Variants in FOXN3 observed in about 807,000 individuals in gnomAD.
FOXN3 encodes forkhead box N3, also known as forkhead box protein N3.
A neutral mutation model predicts 38.4 loss-of-function variants in FOXN3; 7 were observed. That is an observed-to-expected ratio of 0.18 (90% CI 0.10 to 0.34). The LOEUF (loss-of-function observed/expected upper bound fraction) is 0.34. Among genes scored for constraint, FOXN3 ranks in the 10% least tolerant of loss-of-function variants. The pLI, the probability that FOXN3 is intolerant of heterozygous loss-of-function variation, is 1.00. For synonymous variants in FOXN3, 230 were observed against 242.2 expected, an observed-to-expected ratio of 0.95 and a Z score of 0.47; for missense variants, 456 against 613.4, an observed-to-expected ratio of 0.74 and a Z score of 2.71.
intron 1 of FOXN3, among the ~76,000 whole-genome samples, chr14:89,489,531 T>G (rs1349080128): frequency 6.6e-6 from 1 of 152,226 alleles, no homozygotes; most frequent in Non-Finnish European, 1.5e-5. Flanking sequence ...ATTAAAAAAT[T>G]TTTTTATATT....
chr14:89,508,077 T>C (rs1270284485), intron 1 of FOXN3, among the ~76,000 whole-genome samples: 1 of 152,200 alleles, frequency 6.6e-6, no homozygotes, highest in Non-Finnish European at 1.5e-5. Flanking sequence ...GGGCCGACTA[T>C]ATGATGCCCA....
chr14:89,580,283 G>A (rs1217335508), intron 1 of FOXN3, among the ~76,000 whole-genome samples: 1 of 152,160 alleles, frequency 6.6e-6, no homozygotes, highest in East Asian at 1.9e-4. Flanking sequence ...ATGTTAGGAG[G>A]AATAATTTCC....
chr14:89,200,598 C>G (rs551974245), intron 4 of FOXN3, among the ~76,000 whole-genome samples: 27 of 152,304 alleles, frequency 1.8e-4, no homozygotes, highest in Middle Eastern at 3.4e-3. Context: ...CAGATGCTTT[C>G]GTATTTCTGT....
chr14:89,245,160 G>T (rs921816088), intron 4 of FOXN3, among the ~76,000 whole-genome samples: 7 of 152,122 alleles, frequency 4.6e-5, no homozygotes, highest in Non-Finnish European at 8.8e-5. Flanking sequence ...ATGCAGAAAA[G>T]GAATGCTAAA....
At chr14:89,404,564 G>A (rs1331729001) in intron 2 of FOXN3, among the ~76,000 whole-genome samples, 1 of 149,322 alleles carries the variant, frequency 6.7e-6, no homozygotes, top group Non-Finnish European at 1.5e-5. Flanking sequence ...GCGCTTTCTT[G>A]GGATCACAGG....
At chr14:89,614,647 T>G (rs1038741300) in intron 1 of FOXN3, among the ~76,000 whole-genome samples, 10 of 152,218 alleles carry the variant, frequency 6.6e-5, no homozygotes, top group African/African-American at 2.2e-4. Context: ...TTGCAAACTG[T>G]GTACACAGTG....
At chr14:89,217,119 G>A (rs1425027518) in intron 4 of FOXN3, among the ~76,000 whole-genome samples, 1 of 149,540 alleles carries the variant, frequency 6.7e-6, no homozygotes, top group Non-Finnish European at 1.5e-5. Context: ...TGACAAGGGT[G>A]TGAGATCTCA....
At chr14:89,482,891 C>A (rs1292024416) in intron 1 of FOXN3, among the ~76,000 whole-genome samples, 2 of 137,868 alleles carry the variant, frequency 1.5e-5, no homozygotes, top group East Asian at 2.1e-4. Flanking sequence ...GCTGGGGCAA[C>A]AGAGCAAGAC....
At chr14:89,508,379 ATCT>A (rs1454301470) in intron 1 of FOXN3, among the ~76,000 whole-genome samples, 3 of 152,182 alleles carry the variant, frequency 2.0e-5, no homozygotes, top group African/African-American at 7.2e-5. Context: ...AGGAAAGAAC[ATCT>A]TCTCTGAGCA....
intron 5 of FOXN3, among the ~76,000 whole-genome samples, chr14:89,173,200 A>AAGT (rs1366405673): frequency 2.0e-5 from 3 of 152,270 alleles, no homozygotes; most frequent in Non-Finnish European, 2.9e-5. Flanking sequence ...CCTTAAATAT[A>AAGT]TGAAAAACTG....
chr14:89,480,173 C>T (rs954440327), intron 1 of FOXN3, among the ~76,000 whole-genome samples: 3 of 152,090 alleles, frequency 2.0e-5, no homozygotes, highest in Non-Finnish European at 4.4e-5. Context: ...TCTTAAGAGG[C>T]GGGCGGATCA....
At chr14:89,253,596 G>T (rs1235759938) in intron 4 of FOXN3, among the ~76,000 whole-genome samples, 2 of 152,046 alleles carry the variant, frequency 1.3e-5, no homozygotes, top group Non-Finnish European at 2.9e-5. Flanking sequence ...CTTTCTTTGG[G>T]CTACAGCACC....
In FOXN3 at chr14:89,484,252, C is replaced by T. The variant is rs185306351; in HGVS notation, c.-14-71762G>A. Among the ~76,000 whole-genome samples, 3 of 152,310 alleles carry T rather than the reference C, an allele frequency of 2.0e-5. No individual in the cohort carries two copies. The highest frequency in any genetic ancestry group is 1.9e-4 in the East Asian group (1 of 5,186). On this transcript the variant is annotated intron_variant, in intron 1 of 6. Transcript: ENST00000345097. This position sits in a 1 kb window ranked among gnomAD's most constrained non-coding sequence, Gnocchi z 4.0. ...GGAGAAAGCTCCACACATCAAATTT[C>T]GCAAACACTTACGTCACACAACTGC...
At chr14:89,521,991 G>A (rs1350040483) in intron 1 of FOXN3, among the ~76,000 whole-genome samples, 2 of 150,068 alleles carry the variant, frequency 1.3e-5, no homozygotes, top group Non-Finnish European at 3.0e-5. Context: ...CAGCACTCCA[G>A]CCTGGATGAC....
At chr14:89,377,445 T>C (rs1890519654) in intron 2 of FOXN3, among the ~76,000 whole-genome samples, 1 of 152,212 alleles carries the variant, frequency 6.6e-6, no homozygotes, top group Non-Finnish European at 1.5e-5. Flanking sequence ...CGTGGGGTTA[T>C]AGAAAAGGAT....
At chr14:89,256,575 T>G (rs1313597879) in intron 4 of FOXN3, among the ~76,000 whole-genome samples, 1 of 152,216 alleles carries the variant, frequency 6.6e-6, no homozygotes, top group Admixed American at 6.5e-5. Flanking sequence ...AAGCTGAGCC[T>G]CTGATGCTTG....
At chr14:89,591,567 T>C (rs76728732) in intron 1 of FOXN3, among the ~76,000 whole-genome samples, 3,330 of 152,268 alleles carry the variant, frequency 0.022, 42 homozygotes, top group Middle Eastern at 0.027. Flanking sequence ...TTCATTTCAA[T>C]ATGAAAACGA....
intron 1 of FOXN3, among the ~76,000 whole-genome samples, chr14:89,504,989 T>A (rs1893881123): frequency 6.6e-6 from 1 of 152,124 alleles, no homozygotes; most frequent in African/African-American, 2.4e-5. Flanking sequence ...AGATGCAGAA[T>A]GAGAATGATC....
At chr14:89,363,317 G>T (rs540366296) in intron 2 of FOXN3, among the ~76,000 whole-genome samples, 43 of 152,294 alleles carry the variant, frequency 2.8e-4, no homozygotes, top group African/African-American at 9.1e-4. Context: ...CAAGTTCCCA[G>T]GGTCATGTGT....
Sources: gnomAD v4.1 joint callset for allele counts (sites outside exome capture counted in the v4.1 genomes callset) on GRCh38, gnomAD v4.1.1 for gene constraint, Gnocchi (gnomAD v3.1) non-coding constraint, MANE v1.5 for transcripts, NCBI Gene and HGNC (gene_info 2026-07-23, HGNC 2026-07-21) for gene names.